TPTE: variants seen among roughly 807,000 people sequenced by gnomAD.
The protein encoded by TPTE is putative tyrosine-protein phosphatase TPTE.
A neutral mutation model predicts 84.1 loss-of-function variants in TPTE; 59 were observed. The observed-to-expected ratio is 0.70, with a 90% CI of 0.57 to 0.87. TPTE has a LOEUF of 0.87. Ranked by LOEUF, TPTE falls within the 40% of genes least tolerant of loss-of-function variation. The probability of loss-of-function intolerance (pLI) is 0.00; values close to 1 mark genes in which losing one functional copy is unlikely to be tolerated. For synonymous variants in TPTE, 130 were observed against 223.5 expected (o/e 0.58, Z 3.73); for missense variants, 382 against 659.6 (o/e 0.58, Z 4.61).
intron 3 of TPTE, among the ~76,000 whole-genome samples, chr21:10,533,306 G>A (rs1460958808): frequency 2.6e-5 from 4 of 152,294 alleles, no homozygotes; most frequent in African/African-American, 4.8e-5. Flanking sequence ...TTTTTCTTAC[G>A]ACTCCCATTC....
At chr21:10,585,984 T>C (rs1600957351) in intron 17 of TPTE, among the ~76,000 whole-genome samples, 1 of 152,422 alleles carries the variant, frequency 6.6e-6, no homozygotes, top group East Asian at 1.9e-4. Context: ...TGAGTAGTCT[T>C]ACCACGGATT....
intron 14 of TPTE, among the ~76,000 whole-genome samples, chr21:10,573,348 A>G (rs2075084514): frequency 6.6e-6 from 1 of 152,310 alleles, no homozygotes; most frequent in Admixed American, 6.5e-5. Context: ...TAAACAAGGC[A>G]AATATTTTTA....
intron 21 of TPTE, among the ~76,000 whole-genome samples, chr21:10,598,878 T>A (rs1237936230): frequency 6.6e-6 from 1 of 152,306 alleles, no homozygotes; most frequent in Non-Finnish European, 1.5e-5. Flanking sequence ...TGCGCCCGGC[T>A]TTTTTGGCCT....
At chr21:10,563,197 C>G (rs929123499) in intron 10 of TPTE, among the ~76,000 whole-genome samples, 12 of 152,408 alleles carry the variant, frequency 7.9e-5, no homozygotes, top group African/African-American at 2.9e-4. Context: ...AAAGACTTTT[C>G]CACACAAAAG....
chr21:10,601,872 AAC>A (rs1416310308), intron 21 of TPTE, among the ~76,000 whole-genome samples, 184 bp from the exon 22 acceptor site: 1 of 152,312 alleles, frequency 6.6e-6, no homozygotes, highest in African/African-American at 2.4e-5. Context: ...AGCAAATGTA[AAC>A]ACACACGCAT....
intron 8 of TPTE, among the ~76,000 whole-genome samples, chr21:10,557,453 A>G (rs1275139669): frequency 4.5e-3 from 681 of 152,090 alleles, no homozygotes; most frequent in African/African-American, 0.016. Context: ...AATCTGTCAG[A>G]CTTGGTTCTG....
intron 1 of TPTE, among the ~76,000 whole-genome samples, 180 bp from the exon 2 acceptor site, chr21:10,524,400 A>G (rs1284866377): frequency 6.6e-6 from 1 of 152,308 alleles, no homozygotes; most frequent in African/African-American, 2.4e-5. Flanking sequence ...CTGGGGGACA[A>G]CCCGTGGGTG....
intron 2 of TPTE, among the ~76,000 whole-genome samples, chr21:10,525,354 A>C (rs2074059675): frequency 6.6e-6 from 1 of 152,312 alleles, no homozygotes; most frequent in Admixed American, 6.5e-5. Context: ...GTATATTTAG[A>C]GACGACACCC....
chr21:10,552,689 A>G lies in TPTE; in HGVS notation c.206A>G (p.Glu69Gly), dbSNP rs2074600441. 6.2e-7 allele frequency: 1 copy of G among 1,613,768 alleles called. No homozygotes were observed. Among genetic ancestry groups the G allele is most frequent in the Admixed American group, 1.7e-5 (1 of 60,002 alleles). ...VLARLSKFEVEDAENVASYDS... is the reference protein window; with the variant it reads ...VLARLSKFEVGDAENVASYDS... ...GCACGACTTTCCAAGTTTGAAGTTGAAGATGCTGAAAATGTTGCTTCATAT... is the reference window on the plus strand; with the variant it reads ...GCACGACTTTCCAAGTTTGAAGTTGGAGATGCTGAAAATGTTGCTTCATAT... Residue 69 changes from glutamate to glycine, a missense_variant, in exon 8 of 24, where the codon GAA (glutamate) becomes GGA (glycine). Glu to Gly is a moderately conservative substitution (Grantham distance 98). Transcript: ENST00000618007.
chr21:10,535,761 C>T (rs1307910582), intron 3 of TPTE, among the ~76,000 whole-genome samples: 1 of 152,312 alleles, frequency 6.6e-6, no homozygotes, highest in African/African-American at 2.4e-5. Context: ...GGTTCCTCAC[C>T]TTCTAGCGTT....
chr21:10,544,631 G>C (rs1231822835), intron 7 of TPTE, among the ~76,000 whole-genome samples: 1 of 152,422 alleles, frequency 6.6e-6, no homozygotes, highest in East Asian at 1.9e-4. Context: ...TGATCCACCC[G>C]CCTCAGCCTC....
intron 14 of TPTE, among the ~76,000 whole-genome samples, chr21:10,574,724 A>G (rs183290842): frequency 2.6e-4 from 40 of 152,364 alleles, no homozygotes; most frequent in Non-Finnish European, 4.1e-4. Flanking sequence ...AGCCAAGGGA[A>G]GCAGTGAGTG....
intron 17 of TPTE, among the ~76,000 whole-genome samples, chr21:10,590,066 G>A (rs1347524644): frequency 3.3e-5 from 5 of 152,300 alleles, no homozygotes; most frequent in Admixed American, 6.5e-5. Context: ...TGAGACTGGT[G>A]TAAAAATATC....
chr21:10,557,635 G>A (rs1423250160), intron 8 of TPTE, among the ~76,000 whole-genome samples: 3 of 152,304 alleles, frequency 2.0e-5, no homozygotes, highest in Non-Finnish European at 4.4e-5. Flanking sequence ...AACTCTCCAA[G>A]CCTGGGTGGA....
At chr21:10,538,933 G>A (rs539582302) in intron 4 of TPTE, among the ~76,000 whole-genome samples, 199 bp downstream of exon 4, 1 of 152,420 alleles carries the variant, frequency 6.6e-6, no homozygotes, top group South Asian at 2.1e-4. Context: ...CCGGACATTT[G>A]TGGAGTTTAT....
intron 18 of TPTE, among the ~76,000 whole-genome samples, chr21:10,591,710 GC>G (rs1197940708): frequency 8.8e-4 from 133 of 151,996 alleles, no homozygotes; most frequent in African/African-American, 3.1e-3. Context: ...TTGGCAGGTT[GC>G]TTGGTTTTGT....
intron 19 of TPTE, among the ~76,000 whole-genome samples, chr21:10,594,375 G>A (rs1416192455): frequency 1.4e-4 from 22 of 152,292 alleles, no homozygotes; most frequent in Non-Finnish European, 2.9e-4. Context: ...GTTATTTGAA[G>A]TGGTGACTTC....
chr21:10,563,362 A>T (rs1200862155), intron 10 of TPTE, among the ~76,000 whole-genome samples: 1 of 152,312 alleles, frequency 6.6e-6, no homozygotes, highest in Non-Finnish European at 1.5e-5. Flanking sequence ...GCAGAATGTC[A>T]TAACACTGTA....
chr21:10,583,269 C>G (rs1454907566), intron 17 of TPTE, among the ~76,000 whole-genome samples: 3 of 152,300 alleles, frequency 2.0e-5, no homozygotes, highest in South Asian at 2.1e-4. Context: ...TTATCTTTAG[C>G]CTTTGGGTGT....
Sources: allele counts gnomAD v4.1 joint callset (sites outside exome capture counted in the v4.1 genomes callset), GRCh38; gene constraint gnomAD v4.1.1; transcripts MANE v1.5; gene names NCBI Gene and HGNC (gene_info 2026-07-23, HGNC 2026-07-21).